Variants in KIAA1217 observed in about 807,000 individuals in gnomAD.
The protein encoded by KIAA1217 is sickle tail protein homolog.
KIAA1217 carries 88 observed loss-of-function variants against 163.9 expected under a neutral mutation model. The observed-to-expected ratio is 0.54, with a 90% confidence interval of 0.45 to 0.64. The LOEUF (loss-of-function observed/expected upper bound fraction) is 0.64, where lower values mean the gene tolerates loss of function less well. Ranked by LOEUF, KIAA1217 falls within the 30% of genes least tolerant of loss-of-function variation. The pLI is 0.00. For synonymous variants in KIAA1217, 903 were observed against 923.1 expected, an observed-to-expected ratio of 0.98 and a Z score of 0.39; for missense variants, 2,372 against 2,475.0, an observed-to-expected ratio of 0.96 and a Z score of 0.88.
chr10:23,802,637 A>T (rs1481271246), intron 1 of KIAA1217, among the ~76,000 whole-genome samples: 1 of 152,240 alleles, frequency 6.6e-6, no homozygotes, highest in Non-Finnish European at 1.5e-5. Context: ...TAGAAATGCC[A>T]GTTATCTTTT....
chr10:23,824,658 A>AAAAAATATAT (rs1837805755), intron 1 of KIAA1217, among the ~76,000 whole-genome samples: 1 of 53,040 alleles, frequency 1.9e-5, no homozygotes. Flanking sequence ...AAATAAAAAA[A>AAAAAATATAT]ATATATATAT....
intron 2 of KIAA1217, among the ~76,000 whole-genome samples, chr10:24,151,818 G>A (rs2064628584): frequency 6.6e-6 from 1 of 151,948 alleles, no homozygotes; most frequent in Non-Finnish European, 1.5e-5. Context: ...TCATTTTACA[G>A]GTTAGAGAAC....
chr10:24,083,517 T>A (rs1296895823), intron 2 of KIAA1217, among the ~76,000 whole-genome samples: 1 of 152,234 alleles, frequency 6.6e-6, no homozygotes, highest in African/African-American at 2.4e-5. Context: ...TTTAGGGTAA[T>A]CTGTGGTTCT....
chr10:23,921,439 T>C (rs1258267603), intron 1 of KIAA1217, among the ~76,000 whole-genome samples: 2 of 152,192 alleles, frequency 1.3e-5, no homozygotes, highest in Non-Finnish European at 2.9e-5. Context: ...TCCAGCACAT[T>C]GTTGTCACTT....
chr10:24,164,798 A>G (rs531013970), intron 2 of KIAA1217, among the ~76,000 whole-genome samples: 4 of 152,200 alleles, frequency 2.6e-5, no homozygotes, highest in Non-Finnish European at 5.9e-5. Context: ...AGGCCCTGCT[A>G]TCAGAACCAG....
intron 1 of KIAA1217, among the ~76,000 whole-genome samples, chr10:23,810,959 A>ATATAGTATATATTATATAC (rs1837007437): frequency 8.5e-6 from 1 of 117,472 alleles, no homozygotes; most frequent in African/African-American, 3.6e-5. Context: ...TATATAATAT[A>ATATAGTATATATTATATAC]TATAGTATAT....
At chr10:24,501,925 T>C (rs1000177291) in intron 9 of KIAA1217, among the ~76,000 whole-genome samples, 1 of 151,500 alleles carries the variant, frequency 6.6e-6, no homozygotes, top group African/African-American at 2.4e-5. Context: ...ATTTTTTCTA[T>C]GTTTTAGTAG....
rs141121498 is a variant in KIAA1217, at chr10:24,230,345, G to C, written c.354+10436G>C. On this transcript the variant is annotated intron_variant, in intron 2 of 20. Transcript: ENST00000376454. ...TCTCTAATTTGAAAATCTGAAATCC[G>C]AAATGCTCCACCATGGCCTTTGAGT... is the stretch of plus-strand genomic sequence containing the variant. Among the ~76,000 whole-genome samples the C allele has an allele frequency of 1.8e-3, 275 of 152,052 alleles. 4 individuals are homozygous for C. The East Asian group carries it at 0.039, about 22-fold the overall frequency.
intron 2 of KIAA1217, among the ~76,000 whole-genome samples, chr10:24,253,246 G>C (rs1446483850): frequency 6.6e-6 from 1 of 152,146 alleles, no homozygotes; most frequent in Admixed American, 6.5e-5. Context: ...AGTGATAGAA[G>C]AGAGTTAGCT....
intron 2 of KIAA1217, among the ~76,000 whole-genome samples, chr10:24,148,239 G>A (rs1010386789): frequency 1.3e-5 from 2 of 151,704 alleles, no homozygotes; most frequent in East Asian, 1.9e-4. Context: ...TGCACAAATC[G>A]AACCGAGTTT....
Position 24,543,498 on chromosome 10 carries a change from G to A in KIAA1217, c.4228G>A (p.Asp1410Asn), listed in dbSNP as rs2075349778. The A allele has an allele frequency of 6.2e-7, 1 of 1,613,994 alleles. No homozygotes were observed. Among genetic ancestry groups the A allele is most frequent in the African/African-American group, 1.3e-5 (1 of 74,888 alleles). ...TGATATTGTTAGCCAAAAGGGAGAA[G>A]ACATACAGACGGTTAATATCGATGC... The part of the protein sequence containing the change: ...VHDIVSQKGE[D>N]IQTVNIDARK... Residue 1410 changes from aspartate (D) to asparagine (N), a missense_variant, in exon 19 of 21, where the codon GAC (aspartate) becomes AAC (asparagine). Coordinates refer to ENST00000376454, the MANE Select transcript of KIAA1217 (RefSeq NM_019590.5).
chr10:24,536,867 G>A lies in KIAA1217; in HGVS notation c.3508G>A (p.Ala1170Thr), dbSNP rs996331192. ...TCACGTTAAAGACACTAGGTCGGGC[G>A]CCACAGTGCCACCCAAGGAGAAGAA... Reference protein sequence around the residue: ...DSHVKDTRSGATVPPKEKKNL... With the variant: ...DSHVKDTRSGTTVPPKEKKNL... Residue 1170 changes from alanine to threonine, a missense_variant, in exon 17 of 21, where the codon GCC becomes ACC. Coordinates refer to ENST00000376454, the MANE Select transcript of KIAA1217 (RefSeq NM_019590.5). 33 of 1,613,956 alleles carry A rather than the reference G, an allele frequency of 2.0e-5. No individual in the cohort carries two copies. Among genetic ancestry groups the A allele is most frequent in the Non-Finnish European group, 2.6e-5 (31 of 1,179,948 alleles).
At chr10:24,081,825 C>T (rs1017133781) in intron 2 of KIAA1217, among the ~76,000 whole-genome samples, 3 of 152,160 alleles carry the variant, frequency 2.0e-5, no homozygotes, top group African/African-American at 7.2e-5. Context: ...GTTAGACAAG[C>T]TTGGTCTAAA....
intron 1 of KIAA1217, among the ~76,000 whole-genome samples, chr10:23,727,667 T>G (rs1838245657): frequency 6.6e-6 from 1 of 152,214 alleles, no homozygotes. Flanking sequence ...AAATTACACT[T>G]TAAGTTCTGG....
intron 1 of KIAA1217, among the ~76,000 whole-genome samples, chr10:23,992,329 A>G (rs1846253748): frequency 6.6e-6 from 1 of 152,234 alleles, no homozygotes; most frequent in East Asian, 1.9e-4. Context: ...AGAAATGGTG[A>G]GGCTTGAACT....
chr10:24,231,179 G>C (rs937987706), intron 2 of KIAA1217, among the ~76,000 whole-genome samples: 7 of 152,186 alleles, frequency 4.6e-5, no homozygotes, highest in African/African-American at 1.7e-4. Context: ...AAGCAGTAGT[G>C]TGCCTGCCTG....
intron 1 of KIAA1217, among the ~76,000 whole-genome samples, chr10:23,751,892 G>A (rs1839757761): frequency 6.6e-6 from 1 of 152,162 alleles, no homozygotes; most frequent in Non-Finnish European, 1.5e-5. Flanking sequence ...GAGAAAATTA[G>A]CAGACATCTT....
intron 1 of KIAA1217, among the ~76,000 whole-genome samples, chr10:23,723,571 A>G (rs1697204112): frequency 1.3e-5 from 2 of 152,212 alleles, no homozygotes; most frequent in African/African-American, 2.4e-5. Context: ...TTACTGCTTC[A>G]GCTCTAGTTT....
chr10:23,717,552 G>T (rs1167285596), intron 1 of KIAA1217, among the ~76,000 whole-genome samples: 1 of 152,070 alleles, frequency 6.6e-6, no homozygotes, highest in Admixed American at 6.6e-5. Flanking sequence ...ATCCCCTAAG[G>T]TTGGAGTTCT....
Sources: allele counts gnomAD v4.1 joint callset (sites outside exome capture counted in the v4.1 genomes callset), GRCh38; gene constraint gnomAD v4.1.1; transcripts MANE v1.5; gene names NCBI Gene and HGNC (gene_info 2026-07-23, HGNC 2026-07-21).